Variants in MYO15A observed in about 807,000 individuals in gnomAD.
MYO15A encodes the protein unconventional myosin-XV.
A neutral mutation model predicts 394.6 loss-of-function variants in MYO15A; 308 were observed. The observed-to-expected ratio is 0.78, with a 90% CI of 0.71 to 0.86. The LOEUF (loss-of-function observed/expected upper bound fraction) is 0.86, where lower values mean the gene tolerates loss of function less well. MYO15A is among the 40% of genes least tolerant of loss of function. MYO15A has a pLI of 0.00. For missense variants in MYO15A, 4,606 were observed against 4,799.1 expected (o/e 0.96, Z 1.19); for synonymous variants, 1,957 against 2,003.8 (o/e 0.98, Z 0.62).
In MYO15A at chr17:18,132,499, G is replaced by C; in HGVS notation, c.4253G>C (p.Gly1418Ala). ...NYHIFYELLA[G>A]LPAQLRQAFS... The stretch of plus-strand genomic sequence containing the variant: ...CACATCTTCTACGAGTTGCTGGCCG[G>C]GTTGCCTGCCCAGCTCAGGCAGGCC... The change falls in exon 11 of 66, where the codon GGG (glycine) becomes GCG (alanine). Residue 1418 changes from glycine (G) to alanine (A), a missense_variant. By Grantham distance (60) the Gly-to-Ala change is moderately conservative. Coordinates refer to ENST00000647165, the MANE Select transcript of MYO15A (RefSeq NM_016239.4). This position sits in a 1 kb window ranked among gnomAD's most constrained non-coding sequence, Gnocchi z 4.6. 6.2e-7 allele frequency: 1 copy of C among 1,613,946 alleles called. No homozygotes were observed. The highest frequency in any genetic ancestry group is 8.5e-7 in the Non-Finnish European group (1 of 1,180,040).
chr17:18,137,889 C>T lies in MYO15A; in HGVS notation c.4875+210C>T, dbSNP rs2046307267. 5 of 835,804 alleles carry T rather than the reference C, an allele frequency of 6.0e-6. No homozygotes were observed. The East Asian group carries it at 8.0e-5, about 13-fold the overall frequency. 51.8% of individuals were successfully genotyped at this position (835,804 alleles called of 1,614,324 possible). On this transcript the variant is annotated intron_variant, in intron 16 of 65. Transcript: ENST00000647165. ...GGTGCTGTGCTCAGAGAGGAGTCCCCTTGGTGGGGGTCCTTCTTCTCCTCT... is the reference window on the plus strand; with the variant it reads ...GGTGCTGTGCTCAGAGAGGAGTCCCTTTGGTGGGGGTCCTTCTTCTCCTCT...
intron 2 of MYO15A, chr17:18,122,838 CCTA>C (rs1054874027): frequency 5.8e-6 from 1 of 173,078 alleles, no homozygotes; most frequent in African/African-American, 2.4e-5. Context: ...CCTCCTGCCT[CCTA>C]CTGACCCTCC....
At chr17:18,127,302 G>A (rs1597771171) in intron 7 of MYO15A, 137 bp downstream of exon 7, 1 of 1,095,156 alleles carries the variant, frequency 9.1e-7, no homozygotes, top group East Asian at 2.6e-5. Flanking sequence ...GCCTTGCCCA[G>A]GGCTGCTTTT....
At position 18,151,709 on chromosome 17, in the gene MYO15A, C is replaced by T. The variant is rs963169817; in HGVS notation, c.7788-137C>T. ...CTAGGTTGTGCTGTAGGACTTCAGG[C>T]CAGTCTCTGCTTCTCCCTGGATTCT... On this transcript the variant is annotated intron_variant, in intron 40 of 65. Transcript: ENST00000647165. 10 of 1,149,276 alleles carry T rather than the reference C, an allele frequency of 8.7e-6. No homozygotes were observed. In the African/African-American group the frequency reaches 1.1e-4, roughly 12 times the overall value. 71.2% of individuals were successfully genotyped at this position (1,149,276 alleles called of 1,614,324 possible).
intron 48 of MYO15A, 34 bp from the exon 49 acceptor site, chr17:18,156,920 G>A (rs370772756): frequency 1.7e-4 from 267 of 1,580,194 alleles, no homozygotes; most frequent in Middle Eastern, 8.3e-4. Flanking sequence ...GGGTGATAGG[G>A]CTGTTGCCCT....
intron 57 of MYO15A, among the ~76,000 whole-genome samples, chr17:18,161,797 C>T (rs955084483): frequency 2.6e-5 from 4 of 152,058 alleles, no homozygotes; most frequent in Non-Finnish European, 2.9e-5. Flanking sequence ...TACTGGGGTG[C>T]GGCCCTGCCT....
At chr17:18,157,538 G>T (rs2046697027) in intron 50 of MYO15A, 184 bp from the exon 51 acceptor site, 4 of 1,258,006 alleles carry the variant, frequency 3.2e-6, no homozygotes, top group Non-Finnish European at 2.1e-6. Context: ...TGGTCCTGTG[G>T]CCCTGAGAAA....
rs1295196641 is a variant in MYO15A at position 18,120,475 on chromosome 17, C to T, written c.1675C>T (p.Pro559Ser). Residue 559 changes from proline to serine, a missense_variant, in exon 2 of 66, where the codon CCT (proline) becomes TCT (serine). This residue lies in a region of MYO15A where 1,830 missense variants were observed against 1,689.7 expected (regional missense o/e 1.08). Transcript: ENST00000647165. ...CGCCCACCGGGGCCTGGGCTTCGGCCCTGAGTTTGGCCGCCCCGTGCCTCG... is the reference window on the plus strand; with the variant it reads ...CGCCCACCGGGGCCTGGGCTTCGGCTCTGAGTTTGGCCGCCCCGTGCCTCG... ...FGAHRGLGFG[P>S]EFGRPVPRPA... 5 of 1,575,296 alleles carry T rather than the reference C, an allele frequency of 3.2e-6. No homozygotes were observed. Among genetic ancestry groups the T allele is most frequent in the Middle Eastern group, 1.7e-4 (1 of 5,718 alleles).
At chr17:18,156,403 C>G in intron 48 of MYO15A, 67 bp downstream of exon 48, 3 of 1,519,906 alleles carry the variant, frequency 2.0e-6, no homozygotes, top group South Asian at 2.3e-5. Flanking sequence ...TCTCCCTGTT[C>G]CAGGGAAATA....
rs372966137 is a variant in MYO15A at position 18,167,580 on chromosome 17, C to T, written c.9949-10C>T. ...TGCCTGGCAGCCCCTCACCCAGGTG[C>T]TCCCTGCAGGTCCTGCCTGACTACC... On this transcript the variant is annotated splice_polypyrimidine_tract_variant and intron_variant, in intron 61 of 65. Coordinates refer to ENST00000647165, the MANE Select transcript of MYO15A (RefSeq NM_016239.4). 259 of 1,601,362 alleles carry T rather than the reference C, an allele frequency of 1.6e-4. No homozygotes were observed. Among genetic ancestry groups the T allele is most frequent in the Non-Finnish European group, 2.1e-4 (246 of 1,179,848 alleles).
At chr17:18,140,990 G>A (rs998603262) in intron 21 of MYO15A, 29 bp from the exon 22 acceptor site, 3 of 1,613,510 alleles carry the variant, frequency 1.9e-6, no homozygotes, top group Middle Eastern at 3.5e-4. Flanking sequence ...GAGCCAATGT[G>A]CAGACTCCCT....
At chr17:18,108,927 C>G (rs991146276) in intron 1 of MYO15A, 103 bp downstream of exon 1, 1 of 152,674 alleles carries the variant, frequency 6.5e-6, no homozygotes, top group Non-Finnish European at 1.5e-5. Flanking sequence ...GAGCTGGGGC[C>G]TCGCCCCTAA....
intron 10 of MYO15A, 43 bp downstream of exon 10, chr17:18,131,574 G>C: frequency 6.2e-7 from 1 of 1,610,748 alleles, no homozygotes; most frequent in Non-Finnish European, 8.5e-7. Context: ...GCAGGGTCGG[G>C]GTGGGAGGTA....
chr17:18,140,357 A>G, intron 19 of MYO15A, 160 bp from the exon 20 acceptor site: 2 of 999,470 alleles, frequency 2.0e-6, no homozygotes, highest in East Asian at 4.8e-5. Flanking sequence ...TGTTTTGAGA[A>G]GCATGCAAGC....
rs907114357 is a variant in MYO15A, at chr17:18,136,487, C to G, written c.4655+12C>G. The stretch of plus-strand genomic sequence containing the variant: ...GCTGTGGATGCCAGGTGAGGCCACG[C>G]CCTCCCCTGCCTGAGCCCCGAGGCC... On this transcript the variant is annotated intron_variant, in intron 14 of 65. Transcript: ENST00000647165. 7 of 1,613,598 alleles carry G rather than the reference C, an allele frequency of 4.3e-6. No homozygotes were observed. Among genetic ancestry groups the G allele is most frequent in the Non-Finnish European group, 5.9e-6 (7 of 1,180,026 alleles).
chr17:18,129,854 G>T (rs1157507875), intron 7 of MYO15A, among the ~76,000 whole-genome samples: 1 of 152,146 alleles, frequency 6.6e-6, no homozygotes, highest in African/African-American at 2.4e-5. Flanking sequence ...AGCTCTGCCC[G>T]TGAGATGGTA....
chr17:18,159,145 C>T (rs1369714353), intron 53 of MYO15A, 130 bp from the exon 54 acceptor site: 24 of 1,360,100 alleles, frequency 1.8e-5, no homozygotes, highest in Non-Finnish European at 2.4e-5. Context: ...CCTCTGTCCC[C>T]AGTGTTGGGC....
At chr17:18,176,916 G>A (rs551771956) in intron 65 of MYO15A, 1 of 152,358 alleles carries the variant, frequency 6.6e-6, no homozygotes, top group African/African-American at 2.4e-5. Context: ...TCAGCTCCAA[G>A]AGAGCAGGAC....
chr17:18,151,317 G>A, intron 39 of MYO15A, 27 bp downstream of exon 39: 3 of 1,614,172 alleles, frequency 1.9e-6, no homozygotes, highest in Non-Finnish European at 2.5e-6. Context: ...AGCCTCTGGG[G>A]CTTCCCAGGA....
Sources: allele counts gnomAD v4.1 joint callset (sites outside exome capture counted in the v4.1 genomes callset), GRCh38; gene constraint gnomAD v4.1.1; regional missense constraint gnomAD v4.1.1; non-coding constraint Gnocchi (gnomAD v3.1); transcripts MANE v1.5; gene names NCBI Gene and HGNC (gene_info 2026-07-23, HGNC 2026-07-21).